Variants in ANKFN1 observed in about 807,000 individuals in gnomAD.
The protein encoded by ANKFN1 is ankyrin repeat and fibronectin type-III domain-containing protein 1.
Under a neutral mutation model 108.7 loss-of-function variants are expected in ANKFN1, and 74 were observed. The ratio of observed to expected loss-of-function variants is 0.68; its 90% CI spans 0.56 to 0.83. The LOEUF is 0.83. ANKFN1 is among the 40% of genes least tolerant of loss of function. ANKFN1 has a pLI of 0.00. For synonymous variants in ANKFN1, 547 were observed against 516.2 expected (o/e 1.06, Z -0.81); for missense variants, 1,505 against 1,382.3 (o/e 1.09, Z -1.41).
At chr17:56,357,726 A>C (rs376905242) in intron 6 of ANKFN1, among the ~76,000 whole-genome samples, 1 of 152,212 alleles carries the variant, frequency 6.6e-6, no homozygotes, top group Non-Finnish European at 1.5e-5. Flanking sequence ...TCTGCCAGCC[A>C]GAACCAGATA....
intron 3 of ANKFN1, among the ~76,000 whole-genome samples, chr17:56,259,693 G>A (rs115676222): frequency 0.013 from 1,959 of 152,242 alleles, 45 homozygotes; most frequent in African/African-American, 0.044. Flanking sequence ...AAATTTTCTA[G>A]TTTGCCAGTG....
At chr17:56,270,054 G>C (rs2043753494) in intron 3 of ANKFN1, among the ~76,000 whole-genome samples, 1 of 152,156 alleles carries the variant, frequency 6.6e-6, no homozygotes, top group South Asian at 2.1e-4. Context: ...TAAGCCATTG[G>C]GAGTTGTTTT....
chr17:56,394,202 A>T (rs748682755), intron 8 of ANKFN1, among the ~76,000 whole-genome samples: 3 of 152,192 alleles, frequency 2.0e-5, no homozygotes, highest in Admixed American at 6.5e-5. Flanking sequence ...TTTTGTAAGT[A>T]CTGTGGTTCA....
At chr17:56,396,635 G>A (rs539100915) in intron 8 of ANKFN1, among the ~76,000 whole-genome samples, 26 of 151,820 alleles carry the variant, frequency 1.7e-4, no homozygotes, top group African/African-American at 5.6e-4. Context: ...ATGAATACTT[G>A]TCAAGCCCAT....
chr17:56,434,378 C>CAAAA (rs58017155), intron 8 of ANKFN1, among the ~76,000 whole-genome samples: 7 of 127,352 alleles, frequency 5.5e-5, no homozygotes, highest in African/African-American at 1.8e-4. Flanking sequence ...TTTCTAGTGT[C>CAAAA]AAAAAAAAAA....
At chr17:56,098,186 A>G (rs1455783645) in intron 4 of ANKFN1, among the ~76,000 whole-genome samples, 3 of 152,310 alleles carry the variant, frequency 2.0e-5, no homozygotes, top group Middle Eastern at 3.4e-3. Context: ...TCACCCCTAG[A>G]GCCTAGAGAA....
intron 2 of ANKFN1, among the ~76,000 whole-genome samples, chr17:56,223,397 T>A (rs1462858748): frequency 6.6e-6 from 1 of 152,180 alleles, no homozygotes; most frequent in Admixed American, 6.5e-5. Context: ...CGATTACAAA[T>A]ATTTTTAACT....
chr17:56,128,794 T>C (rs1262314834), intron 4 of ANKFN1, among the ~76,000 whole-genome samples: 1 of 152,194 alleles, frequency 6.6e-6, no homozygotes, highest in Non-Finnish European at 1.5e-5. Context: ...TAATATCCCA[T>C]GGAAACAGTT....
At chr17:56,174,382 A>G in intron 1 of ANKFN1, 1 of 985,594 alleles carries the variant, frequency 1.0e-6, no homozygotes, top group Non-Finnish European at 1.2e-6. Flanking sequence ...GCTGGATTGG[A>G]GGAGGGAGCA....
intron 1 of ANKFN1, among the ~76,000 whole-genome samples, chr17:56,171,666 T>G (rs1910707197): frequency 6.6e-6 from 1 of 152,214 alleles, no homozygotes; most frequent in South Asian, 2.1e-4. Context: ...TTGGTATCCC[T>G]CTGAGAAGAG....
chr17:56,345,667 G>C (rs182035943), intron 4 of ANKFN1, among the ~76,000 whole-genome samples: 1 of 152,208 alleles, frequency 6.6e-6, no homozygotes, highest in East Asian at 1.9e-4. Flanking sequence ...TTTTTCATAT[G>C]TTTGTTGGCC....
rs76223362 is a variant in ANKFN1 at position 56,350,097 on chromosome 17, G to C, written c.189-669G>C. On this transcript the variant is annotated intron_variant, in intron 4 of 20. Transcript: ENST00000682825. Reference sequence around the variant, plus strand: ...TAGAGATTTCTGAAACAATGGTCAAGTACTAATTGAAGAATGCCAGTAGTG... The same window carrying C: ...TAGAGATTTCTGAAACAATGGTCAACTACTAATTGAAGAATGCCAGTAGTG... Among the ~76,000 whole-genome samples, 1,514 of 152,270 alleles carry C rather than the reference G, an allele frequency of 9.9e-3. 21 individuals are homozygous for C. The highest frequency in any genetic ancestry group is 0.034 in the African/African-American group (1,403 of 41,544).
At chr17:56,349,874 A>G (rs2046202000) in intron 4 of ANKFN1, among the ~76,000 whole-genome samples, 1 of 152,144 alleles carries the variant, frequency 6.6e-6, no homozygotes, top group Admixed American at 6.6e-5. Context: ...TACCAGGGAG[A>G]CACTTTGCAC....
At chr17:56,055,297 C>G (rs561376713) in intron 4 of ANKFN1, among the ~76,000 whole-genome samples, 1 of 151,722 alleles carries the variant, frequency 6.6e-6, no homozygotes, top group Non-Finnish European at 1.5e-5. Context: ...TGTTTAGTTC[C>G]CACTTATAAG....
intron 4 of ANKFN1, among the ~76,000 whole-genome samples, chr17:56,132,313 A>C (rs1322426222): frequency 6.6e-6 from 1 of 152,124 alleles, no homozygotes; most frequent in Non-Finnish European, 1.5e-5. Flanking sequence ...CTTTTTGGAG[A>C]TCTCAGGTCT....
chr17:56,114,027 C>G (rs557318632), intron 4 of ANKFN1, among the ~76,000 whole-genome samples: 1 of 152,258 alleles, frequency 6.6e-6, no homozygotes, highest in South Asian at 2.1e-4. Flanking sequence ...AACCAAGACT[C>G]AGAGAGAAGT....
In ANKFN1 at chr17:56,061,269, T is replaced by TC. The variant is rs1555589359; in HGVS notation, c.288+14944_288+14945insC. Among the ~76,000 whole-genome samples the TC allele has an allele frequency of 3.1e-5, 4 of 127,036 alleles. No homozygotes were observed. The East Asian group carries it at 8.5e-4, about 27-fold the overall frequency. The allele number at this position is 127,036 out of a possible 152,430, so 83.3% of individuals were successfully genotyped here. On this transcript the variant is annotated intron_variant, in intron 4 of 12. Coordinates refer to the ANKFN1 transcript ENST00000635860. ...ATTTCTCTGATGGTAGTTTTTCTTT[T>TC]TTTTTTTTTTTTTTTTTTTGAGATG...
chr17:56,513,129 A>G lies in ANKFN1; in HGVS notation c.*1860A>G, dbSNP rs571529119. Among the ~76,000 whole-genome samples the G allele has an allele frequency of 5.9e-5, 9 of 152,240 alleles. No individual in the cohort carries two copies. The highest frequency in any genetic ancestry group is 1.0e-4 in the Non-Finnish European group (7 of 68,040). ...AAGGTCACGGAGCTGGTTTAGTCTC[A>G]GAGTTAGGGTCAGAACTAGAATTAT... On this transcript the variant is annotated 3_prime_UTR_variant, in exon 21 of 21. Transcript: ENST00000682825.
intron 3 of ANKFN1, among the ~76,000 whole-genome samples, chr17:56,247,695 A>G (rs1918055277): frequency 6.6e-6 from 1 of 152,208 alleles, no homozygotes; most frequent in South Asian, 2.1e-4. Flanking sequence ...TGGAAGAACT[A>G]GAATCAAAAT....
Sources: gnomAD v4.1 joint callset for allele counts (sites outside exome capture counted in the v4.1 genomes callset) on GRCh38, gnomAD v4.1.1 for gene constraint, MANE v1.5 for transcripts, NCBI Gene and HGNC (gene_info 2026-07-23, HGNC 2026-07-21) for gene names.